DPP10: variants seen among roughly 807,000 people sequenced by gnomAD.
The protein encoded by DPP10 is inactive dipeptidyl peptidase 10.
DPP10 carries 33 observed loss-of-function variants against 120.9 expected under a neutral mutation model. The ratio of observed to expected loss-of-function variants is 0.27; its 90% CI spans 0.21 to 0.37. The LOEUF (loss-of-function observed/expected upper bound fraction) is 0.37, where lower values mean the gene tolerates loss of function less well. Among genes scored for constraint, DPP10 ranks in the 10% least tolerant of loss-of-function variants. The probability of loss-of-function intolerance (pLI) is 1.00; values close to 1 mark genes in which losing one functional copy is unlikely to be tolerated. For missense variants in DPP10, 816 were observed against 942.8 expected (o/e 0.87, Z 1.76); for synonymous variants, 337 against 326.1 (o/e 1.03, Z -0.36).
chr2:114,478,361 T>C (rs1046837361), intron 1 of DPP10, among the ~76,000 whole-genome samples: 1 of 152,058 alleles, frequency 6.6e-6, no homozygotes, highest in Non-Finnish European at 1.5e-5. Context: ...TAACAGAATC[T>C]GATATTTATT....
At chr2:115,780,740 C>T (rs1354067702) in intron 15 of DPP10, 134 bp from the exon 16 acceptor site, 1 of 673,384 alleles carries the variant, frequency 1.5e-6, no homozygotes, top group Admixed American at 3.1e-5. Context: ...TATGGTGATT[C>T]ATAGTTTACA....
rs1259576813 is a variant in DPP10 at position 114,914,066 on chromosome 2, T to C, written c.61-395173T>C. ...AAATGAACAAAACCTCTGGGAAATA[T>C]GGGATTATGTAAAGAGACCAAATCT... is the stretch of plus-strand genomic sequence containing the variant. On this transcript the variant is annotated intron_variant, in intron 1 of 25. Coordinates refer to ENST00000410059, the MANE Select transcript of DPP10 (RefSeq NM_020868.6). Among the ~76,000 whole-genome samples the C allele has an allele frequency of 3.9e-5, 6 of 152,270 alleles. No individual in the cohort carries two copies. In the South Asian group the frequency reaches 1.0e-3, roughly 26 times the overall value.
At chr2:114,763,983 C>T (rs1412034288) in intron 1 of DPP10, among the ~76,000 whole-genome samples, 3 of 152,154 alleles carry the variant, frequency 2.0e-5, no homozygotes, top group Non-Finnish European at 4.4e-5. Flanking sequence ...ACAGACCTGG[C>T]TCTTTTGCAG....
intron 1 of DPP10, among the ~76,000 whole-genome samples, chr2:115,140,146 A>T (rs920768542): frequency 1.5e-4 from 23 of 152,216 alleles, no homozygotes; most frequent in African/African-American, 5.5e-4. Context: ...TAAAAATAAC[A>T]AAACAGGGTA....
chr2:115,748,010 A>T (rs1218816380), intron 10 of DPP10, among the ~76,000 whole-genome samples: 1 of 151,784 alleles, frequency 6.6e-6, no homozygotes, highest in Non-Finnish European at 1.5e-5. Flanking sequence ...CCTGACCTTG[A>T]TTTTTTTTAC....
At chr2:114,853,330 G>T (rs1407124741) in intron 1 of DPP10, among the ~76,000 whole-genome samples, 1 of 151,894 alleles carries the variant, frequency 6.6e-6, no homozygotes, top group Non-Finnish European at 1.5e-5. Flanking sequence ...TTTTTTATAA[G>T]TAAAGCTGGC....
At chr2:114,889,838 A>T (rs1692395491) in intron 1 of DPP10, among the ~76,000 whole-genome samples, 1 of 152,188 alleles carries the variant, frequency 6.6e-6, no homozygotes, top group Non-Finnish European at 1.5e-5. Flanking sequence ...ATAAAGCAAT[A>T]TTTTAATTGA....
At chr2:114,685,759 C>G (rs947849881) in intron 1 of DPP10, among the ~76,000 whole-genome samples, 1 of 151,858 alleles carries the variant, frequency 6.6e-6, no homozygotes, top group African/African-American at 2.4e-5. Context: ...AGTTTATTGA[C>G]TTTGGCTCTG....
intron 3 of DPP10, among the ~76,000 whole-genome samples, chr2:115,422,014 A>G (rs2070018608): frequency 6.6e-6 from 1 of 152,080 alleles, no homozygotes; most frequent in South Asian, 2.1e-4. Context: ...TGTAATATAA[A>G]TAGGTACTAC....
chr2:115,772,935 T>C (rs1345801840), intron 13 of DPP10, among the ~76,000 whole-genome samples: 2 of 152,172 alleles, frequency 1.3e-5, no homozygotes, highest in East Asian at 3.8e-4. Flanking sequence ...GGTGAATCCA[T>C]TCACTTTCTC....
At position 114,533,722 on chromosome 2, in the gene DPP10, C is replaced by T. The variant is rs149533599; in HGVS notation, c.60+90884C>T. 1.6e-3 allele frequency among the ~76,000 whole-genome samples: 251 copies of T among 152,148 alleles called. 2 individuals are homozygous for T. Among genetic ancestry groups the T allele is most frequent in the African/African-American group, 5.8e-3 (242 of 41,512 alleles). On this transcript the variant is annotated intron_variant, in intron 1 of 25. Coordinates refer to ENST00000410059, the MANE Select transcript of DPP10 (RefSeq NM_020868.6). ...AAATATCATATTAATTGCTAGTTTG[C>T]CCGGGTTTAGACTTTTAGATCAGAA...
chr2:115,809,555 C>T (rs1395124875), intron 19 of DPP10, among the ~76,000 whole-genome samples: 2 of 152,126 alleles, frequency 1.3e-5, no homozygotes, highest in African/African-American at 4.8e-5. Flanking sequence ...CTTTACTCCT[C>T]CTTTCACATT....
intron 1 of DPP10, among the ~76,000 whole-genome samples, chr2:114,851,833 A>G (rs1688965149): frequency 1.3e-5 from 2 of 152,180 alleles, no homozygotes; most frequent in African/African-American, 4.8e-5. Context: ...ACGCATTGCA[A>G]GGAGACTTGA....
At chr2:115,234,633 T>C (rs554003581) in intron 1 of DPP10, 1 of 152,366 alleles carries the variant, frequency 6.6e-6, no homozygotes, top group African/African-American at 2.4e-5. Context: ...GCACACTGGA[T>C]TCGCAGGTAG....
chr2:115,666,091 G>A (rs2089432621), intron 5 of DPP10, among the ~76,000 whole-genome samples: 1 of 151,944 alleles, frequency 6.6e-6, no homozygotes, highest in South Asian at 2.1e-4. Flanking sequence ...CCTTTGTTGT[G>A]TGCATGTGTA....
chr2:115,597,679 C>A (rs374032703), intron 5 of DPP10, among the ~76,000 whole-genome samples: 24 of 151,680 alleles, frequency 1.6e-4, no homozygotes, highest in African/African-American at 5.8e-4. Flanking sequence ...GTAGTGCTCA[C>A]TCCTCAAAAA....
intron 3 of DPP10, among the ~76,000 whole-genome samples, chr2:115,449,532 A>G (rs2072926829): frequency 1.3e-5 from 2 of 152,096 alleles, no homozygotes; most frequent in South Asian, 4.1e-4. Flanking sequence ...TGACACATGA[A>G]TGTGCAACAT....
intron 1 of DPP10, among the ~76,000 whole-genome samples, chr2:115,188,083 G>T (rs1175971123): frequency 6.6e-6 from 1 of 151,622 alleles, no homozygotes; most frequent in African/African-American, 2.4e-5. Context: ...GAGAGAGAGA[G>T]AGCGCACTCA....
chr2:115,237,157 T>G (rs1218641552), intron 1 of DPP10, among the ~76,000 whole-genome samples: 1 of 152,126 alleles, frequency 6.6e-6, no homozygotes, highest in Admixed American at 6.5e-5. Flanking sequence ...AAATGAAAAA[T>G]TTTTGGCATC....
Sources: allele counts gnomAD v4.1 joint callset (sites outside exome capture counted in the v4.1 genomes callset), GRCh38; gene constraint gnomAD v4.1.1; transcripts MANE v1.5; gene names NCBI Gene and HGNC (gene_info 2026-07-23, HGNC 2026-07-21).